ALOX15B: variants seen among roughly 807,000 people sequenced by gnomAD.
ALOX15B encodes polyunsaturated fatty acid lipoxygenase ALOX15B.
In ALOX15B, 74 loss-of-function variants were observed where a neutral mutation model predicts 73.8. The observed-to-expected ratio is 1.00, with a 90% CI of 0.83 to 1.22. The LOEUF (loss-of-function observed/expected upper bound fraction) is 1.22, where lower values mean the gene tolerates loss of function less well. Ranked by LOEUF, ALOX15B falls within the 50% of genes most tolerant of loss-of-function variation. ALOX15B has a pLI of 0.00. For missense variants in ALOX15B, 896 were observed against 859.9 expected, an observed-to-expected ratio of 1.04 and a Z score of -0.52; for synonymous variants, 353 against 357.2, an observed-to-expected ratio of 0.99 and a Z score of 0.13.
chr17:8,047,823 T>A lies in ALOX15B; in HGVS notation c.1759T>A (p.Cys587Ser). Residue 587 changes from cysteine (C) to serine (S), a missense_variant, in exon 13 of 14, where the codon TGC (cysteine) becomes AGC (serine). By Grantham distance (112) the Cys-to-Ser change is moderately radical. Coordinates refer to ENST00000380183, the MANE Select transcript of ALOX15B (RefSeq NM_001141.3). The stretch of plus-strand genomic sequence containing the variant: ...ACCCACCTCCAAAGGCCTGGCAACA[T>A]GCGAGGGCTTCATAGCCACCCTCCC... ...PPPTSKGLAT[C>S]EGFIATLPPV... 6.2e-7 allele frequency: 1 copy of A among 1,614,172 alleles called. No homozygotes were observed. Among genetic ancestry groups the A allele is most frequent in the Non-Finnish European group, 8.5e-7 (1 of 1,180,020 alleles).
chr17:8,040,102 C>T, intron 3 of ALOX15B, 119 bp downstream of exon 3: 1 of 940,798 alleles, frequency 1.1e-6, no homozygotes, highest in Admixed American at 2.7e-5. Flanking sequence ...AAAGCTGCTC[C>T]TGGGATCAGC....
chr17:8,048,560 A>G lies in ALOX15B; in HGVS notation c.2026A>G (p.Ile676Val), dbSNP rs7225107. ...DPPLIENSVS[I>V] ...TCCCCTCATCGAGAACAGCGTCTCCATCTAAATCCCAGGGGAACACAGGCC... is the reference window on the plus strand; with the variant it reads ...TCCCCTCATCGAGAACAGCGTCTCCGTCTAAATCCCAGGGGAACACAGGCC... The change falls in exon 14 of 14, where the codon ATC (isoleucine) becomes GTC (valine). Residue 676 changes from isoleucine to valine, a missense_variant. Ile to Val is a conservative substitution (Grantham distance 29). Transcript: ENST00000380183. 0.027 allele frequency: 44,146 copies of G among 1,612,974 alleles called. 2,483 individuals are homozygous for G. The highest frequency in any genetic ancestry group is 0.22 in the African/African-American group (16,391 of 74,892).
intron 12 of ALOX15B, 33 bp from the exon 13 acceptor site, chr17:8,047,712 T>G: frequency 6.2e-7 from 1 of 1,613,848 alleles, no homozygotes; most frequent in Middle Eastern, 1.7e-4. Context: ...GTGACCCAGC[T>G]CCTCAGCCTC....
chr17:8,044,826 C>A lies in ALOX15B; in HGVS notation c.677-3C>A. The A allele has an allele frequency of 6.2e-7, 1 of 1,612,184 alleles. No homozygotes were observed. Among genetic ancestry groups the A allele is most frequent in the South Asian group, 1.1e-5 (1 of 90,964 alleles). On this transcript the variant is annotated splice_polypyrimidine_tract_variant and splice_region_variant and intron_variant, in intron 5 of 13. Coordinates refer to ENST00000380183, the MANE Select transcript of ALOX15B (RefSeq NM_001141.3). ...CCGTTCCCCTGTCCCCCACCCCCTG[C>A]AGAGCACGCATTTGAGCACTGGCAG...
chr17:8,044,398 G>C (rs1406702757), intron 5 of ALOX15B, among the ~76,000 whole-genome samples: 1 of 149,398 alleles, frequency 6.7e-6, no homozygotes, highest in African/African-American at 2.5e-5. Context: ...CTCCAGCCTG[G>C]GCAACACAGC....
At chr17:8,045,434 G>T in intron 7 of ALOX15B, 49 bp from the exon 8 acceptor site, 4 of 1,613,682 alleles carry the variant, frequency 2.5e-6, no homozygotes, top group Non-Finnish European at 3.4e-6. Context: ...TCAGGAGAAT[G>T]GTTGGAAGAC....
Position 8,044,815 on chromosome 17 carries a change from C to G in ALOX15B, c.677-14C>G. The G allele has an allele frequency of 6.2e-7, 1 of 1,608,552 alleles. No homozygotes were observed. Among genetic ancestry groups the G allele is most frequent in the Non-Finnish European group, 8.5e-7 (1 of 1,176,280 alleles). On this transcript the variant is annotated splice_polypyrimidine_tract_variant and intron_variant, in intron 5 of 13. Transcript: ENST00000380183. ...TTTGAGTGACCCCGTTCCCCTGTCC[C>G]CCACCCCCTGCAGAGCACGCATTTG... is the stretch of plus-strand genomic sequence containing the variant.
At chr17:8,040,480 G>T (rs1402424481) in intron 3 of ALOX15B, among the ~76,000 whole-genome samples, 1 of 151,224 alleles carries the variant, frequency 6.6e-6, no homozygotes, top group Non-Finnish European at 1.5e-5. Flanking sequence ...GGGTGGTGGA[G>T]GTTGCAGTGA....
Position 8,045,287 on chromosome 17 carries a change from C to T in ALOX15B, c.899C>T (p.Thr300Ile). The T allele has an allele frequency of 1.2e-6, 2 of 1,614,232 alleles. No individual in the cohort carries two copies. Among genetic ancestry groups the T allele is most frequent in the Non-Finnish European group, 1.7e-6 (2 of 1,180,040 alleles). The change falls in exon 7 of 14, where the codon ACC becomes ATC. Residue 300 changes from threonine (T) to isoleucine (I), a missense_variant. Physicochemically the swap from Thr to Ile is moderately conservative, Grantham distance 89 (BLOSUM62 -1). Coordinates refer to ENST00000380183, the MANE Select transcript of ALOX15B (RefSeq NM_001141.3). ...CACGGCATCCTCTCTGGCATCCAGA[C>T]CAATGTCATTAATGGGAAGCCTCAG... ...VDHGILSGIQ[T>I]NVINGKPQFS...
chr17:8,048,014 G>A (rs111453550), intron 13 of ALOX15B, 99 bp downstream of exon 13: 19 of 1,397,868 alleles, frequency 1.4e-5, no homozygotes, highest in African/African-American at 7.2e-5. Context: ...ATCAGGTAGC[G>A]GGTCCCTTTG....
rs776080968 is a variant in ALOX15B, at chr17:8,047,213, G to A, written c.1458-45G>A. The A allele has an allele frequency of 2.5e-6, 4 of 1,612,914 alleles. No individual in the cohort carries two copies. The South Asian group carries it at 3.3e-5, about 13-fold the overall frequency. On this transcript the variant is annotated intron_variant, in intron 10 of 13. Coordinates refer to ENST00000380183, the MANE Select transcript of ALOX15B (RefSeq NM_001141.3). Reference sequence around the variant, plus strand: ...ATGCTAAGCAGAGGCATTCCTCAGAGCGGGTCGGGGTTGGAGGCTGGACCT... The same window carrying A: ...ATGCTAAGCAGAGGCATTCCTCAGAACGGGTCGGGGTTGGAGGCTGGACCT...
rs1567968527 is a variant in ALOX15B at position 8,039,130 on chromosome 17, TAG to T, written c.-21_-20del. 2 of 1,608,218 alleles carry T rather than the reference TAG, an allele frequency of 1.2e-6. No individual in the cohort carries two copies. Among genetic ancestry groups the T allele is most frequent in the Admixed American group, 3.4e-5 (2 of 59,160 alleles). On this transcript the variant is annotated 5_prime_UTR_variant, in exon 1 of 14. Transcript: ENST00000380183. ...CCCCGCTCTGCAGCCCTGTGCGCCGTAGAGAGCTGGACTTAGGCTGGCAGCAT... is the reference window on the plus strand; with the variant it reads ...CCCCGCTCTGCAGCCCTGTGCGCCGTAGAGCTGGACTTAGGCTGGCAGCAT...
At chr17:8,046,602 T>G in intron 8 of ALOX15B, 66 bp from the exon 9 acceptor site, 1 of 1,512,188 alleles carries the variant, frequency 6.6e-7, no homozygotes, top group South Asian at 1.2e-5. Context: ...GGTGCCTGTG[T>G]GGGGGAAGGT....
chr17:8,040,835 T>C (rs1976446642), intron 3 of ALOX15B, among the ~76,000 whole-genome samples: 2 of 152,238 alleles, frequency 1.3e-5, no homozygotes, highest in African/African-American at 4.8e-5. Flanking sequence ...GGGGGCTCTC[T>C]CTGTGCTCTG....
rs780697503 is a variant in ALOX15B, at chr17:8,048,546, A to G, written c.2012A>G (p.Glu671Gly). 6.2e-7 allele frequency: 1 copy of G among 1,613,830 alleles called. No homozygotes were observed. The highest frequency in any genetic ancestry group is 8.5e-7 in the Non-Finnish European group (1 of 1,179,800). ...PYTYLDPPLI[E>G]NSVSI is the part of the protein sequence containing the mutation. ...ACCTACCTAGACCCTCCCCTCATCGAGAACAGCGTCTCCATCTAAATCCCA... is the reference window on the plus strand; with the variant it reads ...ACCTACCTAGACCCTCCCCTCATCGGGAACAGCGTCTCCATCTAAATCCCA... Residue 671 changes from glutamate (E) to glycine (G), a missense_variant, in exon 14 of 14, where the codon GAG becomes GGG. Glu to Gly is a moderately conservative substitution (Grantham distance 98, BLOSUM62 -2). Coordinates refer to ENST00000380183, the MANE Select transcript of ALOX15B (RefSeq NM_001141.3).
chr17:8,045,206 G>A (rs201941538), intron 6 of ALOX15B, 32 bp from the exon 7 acceptor site: 6 of 1,613,510 alleles, frequency 3.7e-6, no homozygotes, highest in Non-Finnish European at 5.1e-6. Context: ...TAGAAAACCA[G>A]GTGGCAGCCC....
chr17:8,048,808 G>A lies in ALOX15B; in HGVS notation c.*243G>A, dbSNP rs1976684735. The A allele has an allele frequency of 2.3e-6, 1 of 433,236 alleles. No individual in the cohort carries two copies. The highest frequency in any genetic ancestry group is 2.0e-5 in the African/African-American group (1 of 49,794). The allele number at this position is 433,236 out of a possible 1,614,324, so 26.8% of individuals were successfully genotyped here. Reference sequence around the variant, plus strand: ...CAGGACAGAACCACTGAGTCTTTTGGAGGCTCCAAGCCTCAAAGTGCCCGC... The same window carrying A: ...CAGGACAGAACCACTGAGTCTTTTGAAGGCTCCAAGCCTCAAAGTGCCCGC... On this transcript the variant is annotated 3_prime_UTR_variant, in exon 14 of 14. Transcript: ENST00000380183.
Position 8,039,528 on chromosome 17 carries a change from C to A in ALOX15B, c.290C>A (p.Pro97Gln). The A allele has an allele frequency of 6.6e-7, 1 of 1,513,856 alleles. No individual in the cohort carries two copies. The highest frequency in any genetic ancestry group is 8.9e-7 in the Non-Finnish European group (1 of 1,128,912). The allele number at this position is 1,513,856 out of a possible 1,614,324, so 93.8% of individuals were successfully genotyped here. A position where few individuals can be genotyped will look rare whatever the true frequency, so the allele number is the denominator to read the frequency against. The part of the protein sequence containing the change: ...WFCRWFQLTP[P>Q]RGGHLLFPCY... ...TGCCGCTGGTTCCAGCTGACACCGC[C>A]GCGGGGCGGCCACCTCCTCTTCCCC... Residue 97 changes from proline to glutamine, a missense_variant, in exon 2 of 14, where the codon CCG becomes CAG. Physicochemically the swap from Pro to Gln is moderately conservative, Grantham distance 76. Coordinates refer to ENST00000380183, the MANE Select transcript of ALOX15B (RefSeq NM_001141.3).
Position 8,047,728 on chromosome 17 carries a change from G to GC in ALOX15B, c.1681-14dup. 1 of 1,614,054 alleles carries GC rather than the reference G, an allele frequency of 6.2e-7. No individual in the cohort carries two copies. Among genetic ancestry groups the GC allele is most frequent in the Non-Finnish European group, 8.5e-7 (1 of 1,179,958 alleles). ...TGACCCAGCTCCTCAGCCTCATTCT[G>GC]CCCTCTCGGCCTTCAGTTTGACTCC... On this transcript the variant is annotated splice_polypyrimidine_tract_variant and intron_variant, in intron 12 of 13. Transcript: ENST00000380183.
Sources: allele counts gnomAD v4.1 joint callset (sites outside exome capture counted in the v4.1 genomes callset), GRCh38; gene constraint gnomAD v4.1.1; transcripts MANE v1.5; gene names NCBI Gene and HGNC (gene_info 2026-07-23, HGNC 2026-07-21).